Variants in DOCK8 observed in about 807,000 individuals in gnomAD.
DOCK8 encodes the protein dedicator of cytokinesis protein 8.
DOCK8 carries 141 observed loss-of-function variants against 245.6 expected under a neutral mutation model. The observed-to-expected ratio is 0.57, with a 90% CI of 0.50 to 0.66. The LOEUF (loss-of-function observed/expected upper bound fraction) is 0.66. DOCK8 is among the 30% of genes least tolerant of loss of function. The pLI, the probability that DOCK8 is intolerant of heterozygous loss-of-function variation, is 0.00. For missense variants in DOCK8, 2,965 were observed against 2,603.4 expected, an observed-to-expected ratio of 1.14 and a Z score of -3.02; for synonymous variants, 1,168 against 970.2, an observed-to-expected ratio of 1.20 and a Z score of -3.79.
chr9:406,887 C>T (rs946018112), intron 27 of DOCK8, 43 bp from the exon 28 acceptor site: 1 of 1,613,594 alleles, frequency 6.2e-7, no homozygotes, highest in African/African-American at 1.3e-5. Flanking sequence ...TATTTTCATT[C>T]CAGTTCTTGT....
intron 14 of DOCK8, among the ~76,000 whole-genome samples, chr9:362,054 CTT>C (rs1024416631): frequency 6.6e-6 from 1 of 152,294 alleles, no homozygotes; most frequent in East Asian, 1.9e-4. Flanking sequence ...CTTTGGCTCT[CTT>C]TGAGATTTTT....
chr9:436,601 A>C (rs1705861951), intron 39 of DOCK8, among the ~76,000 whole-genome samples: 1 of 152,214 alleles, frequency 6.6e-6, no homozygotes, highest in Admixed American at 6.5e-5. Flanking sequence ...TATATTTAGT[A>C]AGCCTTACTG....
intron 6 of DOCK8, among the ~76,000 whole-genome samples, chr9:314,938 A>T (rs2130727721): frequency 6.6e-6 from 1 of 152,338 alleles, no homozygotes; most frequent in South Asian, 2.1e-4. Flanking sequence ...CTATAAGGCA[A>T]GTTCTTTCCC....
At chr9:265,198 C>G (rs2048009050) in intron 1 of DOCK8, among the ~76,000 whole-genome samples, 1 of 152,156 alleles carries the variant, frequency 6.6e-6, no homozygotes, top group South Asian at 2.1e-4. Context: ...TCCCAAAGTG[C>G]TGGGATTACA....
At chr9:267,151 C>A (rs966043294) in intron 1 of DOCK8, among the ~76,000 whole-genome samples, 16 of 152,222 alleles carry the variant, frequency 1.1e-4, no homozygotes, top group Admixed American at 2.0e-4. Flanking sequence ...AACTTTTAAA[C>A]ATCCCAAGTA....
intron 1 of DOCK8, among the ~76,000 whole-genome samples, chr9:223,638 G>T (rs1168383830): frequency 6.0e-5 from 9 of 150,360 alleles, no homozygotes; most frequent in Non-Finnish European, 1.2e-4. Context: ...TTTTTTTTAG[G>T]GAGAATCTGC....
intron 11 of DOCK8, among the ~76,000 whole-genome samples, chr9:334,786 C>G (rs533285042): frequency 2.8e-4 from 42 of 152,030 alleles, no homozygotes; most frequent in Middle Eastern, 6.8e-3. Flanking sequence ...CTTCAAAAAG[C>G]AAAACTCAAC....
chr9:446,845 TAA>T (rs1214028368), intron 44 of DOCK8, among the ~76,000 whole-genome samples: 6 of 151,936 alleles, frequency 3.9e-5, no homozygotes, highest in East Asian at 3.9e-4. Context: ...ATCTTTAGTA[TAA>T]GTGTGTTTAT....
upstream of DOCK8, chr9:214,693 C>T: frequency 6.4e-7 from 1 of 1,572,160 alleles, no homozygotes; most frequent in South Asian, 1.1e-5. Flanking sequence ...AGCGCGCCGT[C>T]TGCCCCAGTA....
rs769837178 is a variant in DOCK8 at position 377,221 on chromosome 9, TGCAGGGCTGG to T, written c.2440+13_2440+22del. The T allele has an allele frequency of 6.0e-4, 938 of 1,572,822 alleles. No homozygotes were observed. Among genetic ancestry groups the T allele is most frequent in the Non-Finnish European group, 7.8e-4 (906 of 1,164,806 alleles). On this transcript the variant is annotated intron_variant, in intron 20 of 47. Transcript: ENST00000432829. ...ATCGCTGGCCAGACAGGTATGAACCTGCAGGGCTGGGCTGGGAGGAGGCAGGAGCAAGCAA... is the reference window on the plus strand; with the variant it reads ...ATCGCTGGCCAGACAGGTATGAACCTGCTGGGAGGAGGCAGGAGCAAGCAA...
At chr9:392,468 T>A (rs1349387865) in intron 24 of DOCK8, among the ~76,000 whole-genome samples, 1 of 152,146 alleles carries the variant, frequency 6.6e-6, no homozygotes, top group African/African-American at 2.4e-5. Flanking sequence ...TGGAGGTGCT[T>A]AGTAAAAATA....
intron 13 of DOCK8, among the ~76,000 whole-genome samples, chr9:339,639 C>G (rs1049925196): frequency 6.6e-6 from 1 of 152,164 alleles, no homozygotes; most frequent in Non-Finnish European, 1.5e-5. Flanking sequence ...CTCAACCTCC[C>G]GAGTAGCTGG....
intron 2 of DOCK8, among the ~76,000 whole-genome samples, chr9:282,364 G>C (rs2048623986): frequency 6.6e-6 from 1 of 150,528 alleles, no homozygotes; most frequent in Non-Finnish European, 1.5e-5. Flanking sequence ...TTCATCATTT[G>C]TGGCTTTGAA....
intron 44 of DOCK8, 126 bp from the exon 45 acceptor site, chr9:449,658 A>C: frequency 8.3e-7 from 1 of 1,209,428 alleles, no homozygotes; most frequent in South Asian, 1.2e-5. Context: ...AGTATTTTAA[A>C]TTACTCTGAA....
chr9:387,974 A>G (rs569717675), intron 23 of DOCK8, among the ~76,000 whole-genome samples: 23 of 152,342 alleles, frequency 1.5e-4, no homozygotes, highest in African/African-American at 4.8e-4. Flanking sequence ...TAGCAGACAG[A>G]GTTTTGCTGC....
At chr9:455,903 G>A (rs757374722) in intron 46 of DOCK8, among the ~76,000 whole-genome samples, 14 of 151,882 alleles carry the variant, frequency 9.2e-5, no homozygotes, top group Non-Finnish European at 1.8e-4. Context: ...AACTATAGAC[G>A]TCAGTTCATC....
chr9:311,126 AAAT>A (rs2050089149), intron 5 of DOCK8, among the ~76,000 whole-genome samples: 1 of 151,998 alleles, frequency 6.6e-6, no homozygotes, highest in Admixed American at 6.6e-5. Context: ...TCTCTACTAA[AAAT>A]ACAAAAATAA....
intron 14 of DOCK8, among the ~76,000 whole-genome samples, chr9:365,119 T>A (rs1171694874): frequency 6.6e-6 from 1 of 152,204 alleles, no homozygotes; most frequent in African/African-American, 2.4e-5. Context: ...GTAGGACCCA[T>A]GACGAAAAGT....
chr9:350,945 G>A (rs1043633548), intron 14 of DOCK8, among the ~76,000 whole-genome samples: 1 of 152,128 alleles, frequency 6.6e-6, no homozygotes, highest in East Asian at 1.9e-4. Flanking sequence ...CTCCCATCAG[G>A]ACAAAAATCA....
Sources: allele counts gnomAD v4.1 joint callset (sites outside exome capture counted in the v4.1 genomes callset), GRCh38; gene constraint gnomAD v4.1.1; transcripts MANE v1.5; gene names NCBI Gene and HGNC (gene_info 2026-07-23, HGNC 2026-07-21).